Variants in ROR1 observed in about 807,000 individuals in gnomAD.
The protein encoded by ROR1 is inactive tyrosine-protein kinase transmembrane receptor ROR1.
A neutral mutation model predicts 78.8 loss-of-function variants in ROR1; 19 were observed. The observed-to-expected ratio is 0.24, with a 90% CI of 0.17 to 0.35. The LOEUF (loss-of-function observed/expected upper bound fraction) is 0.35, where lower values mean the gene tolerates loss of function less well. Among genes scored for constraint, ROR1 ranks in the 10% least tolerant of loss-of-function variants. The probability of loss-of-function intolerance (pLI) is 1.00; values close to 1 mark genes in which losing one functional copy is unlikely to be tolerated. For missense variants in ROR1, 917 were observed against 1,177.8 expected (o/e 0.78, Z 3.24); for synonymous variants, 386 against 433.6 (o/e 0.89, Z 1.36).
chr1:63,792,485 A>T (rs1403290094), intron 1 of ROR1, among the ~76,000 whole-genome samples: 1 of 152,154 alleles, frequency 6.6e-6, no homozygotes, highest in Non-Finnish European at 1.5e-5. Flanking sequence ...GCACAGAGGG[A>T]ACAGTGTATG....
At chr1:64,149,773 C>T (rs1649569435) in intron 7 of ROR1, among the ~76,000 whole-genome samples, 1 of 152,192 alleles carries the variant, frequency 6.6e-6, no homozygotes. Flanking sequence ...GAGAAAGAAG[C>T]ATTTTGCCTA....
chr1:63,954,443 T>C (rs894166493), intron 1 of ROR1, among the ~76,000 whole-genome samples: 2 of 152,206 alleles, frequency 1.3e-5, no homozygotes, highest in African/African-American at 4.8e-5. Flanking sequence ...AGTTCTATTA[T>C]TTTGGAAGAG....
chr1:63,906,147 C>T (rs1645526918), intron 1 of ROR1, among the ~76,000 whole-genome samples: 1 of 152,100 alleles, frequency 6.6e-6, no homozygotes, highest in African/African-American at 2.4e-5. Context: ...TTCTAGGGCA[C>T]TAACCAAAAC....
intron 2 of ROR1, among the ~76,000 whole-genome samples, chr1:64,012,475 A>C (rs944943330): frequency 2.6e-5 from 4 of 152,228 alleles, no homozygotes; most frequent in African/African-American, 9.6e-5. Flanking sequence ...ACTAGGAGAC[A>C]CTGACAGCAG....
rs1395157375 is a variant in ROR1 at position 64,179,292 on chromosome 1, A to G, written c.*437A>G. The G allele has an allele frequency of 1.3e-5, 2 of 157,138 alleles. No homozygotes were observed. Among genetic ancestry groups the G allele is most frequent in the Non-Finnish European group, 2.8e-5 (2 of 71,462 alleles). 9.7% of individuals were successfully genotyped at this position (157,138 alleles called of 1,614,324 possible). ...GTCTACCTGCTGTCTTTTCTTCAGG[A>G]CAGATGTTCAGGAATTATATTGATT... is the stretch of plus-strand genomic sequence containing the variant. On this transcript the variant is annotated 3_prime_UTR_variant, in exon 9 of 9. Transcript: ENST00000371079.
intron 1 of ROR1, among the ~76,000 whole-genome samples, chr1:63,913,639 G>A (rs995240755): frequency 1.3e-5 from 2 of 152,016 alleles, no homozygotes; most frequent in East Asian, 1.9e-4. Flanking sequence ...CCTGTCCCAC[G>A]GCCTCCCCCT....
At chr1:63,942,366 G>C (rs1026719693) in intron 1 of ROR1, among the ~76,000 whole-genome samples, 1 of 151,936 alleles carries the variant, frequency 6.6e-6, no homozygotes, top group African/African-American at 2.4e-5. Flanking sequence ...ATTTCCTTGT[G>C]TATAATGTTA....
intron 2 of ROR1, among the ~76,000 whole-genome samples, chr1:64,036,275 T>C (rs1646701404): frequency 6.6e-6 from 1 of 152,164 alleles, no homozygotes; most frequent in Non-Finnish European, 1.5e-5. Flanking sequence ...ATCCATCCAG[T>C]AAATATAAAC....
chr1:64,066,318 CT>C (rs747396331), intron 4 of ROR1, among the ~76,000 whole-genome samples: 5,345 of 139,752 alleles, frequency 0.038, 279 homozygotes, highest in African/African-American at 0.13. Flanking sequence ...TTTAAACTCA[CT>C]TTTTTTTTTT....
chr1:63,855,403 T>C (rs1289873138), intron 1 of ROR1, among the ~76,000 whole-genome samples: 2 of 152,214 alleles, frequency 1.3e-5, no homozygotes, highest in Non-Finnish European at 2.9e-5. Flanking sequence ...GATACTTAAT[T>C]CGCTCCTCTC....
At chr1:63,864,870 T>C (rs1218424942) in intron 1 of ROR1, among the ~76,000 whole-genome samples, 2 of 151,840 alleles carry the variant, frequency 1.3e-5, no homozygotes, top group Admixed American at 6.6e-5. Flanking sequence ...TTATTTTTTT[T>C]CCTTTTGTTT....
intron 4 of ROR1, among the ~76,000 whole-genome samples, chr1:64,089,928 A>C (rs959371567): frequency 6.6e-6 from 1 of 152,094 alleles, no homozygotes; most frequent in African/African-American, 2.4e-5. Context: ...AAGTCTCATG[A>C]AATCTGATGG....
chr1:63,964,923 G>C (rs955079410), intron 1 of ROR1, among the ~76,000 whole-genome samples: 2 of 152,150 alleles, frequency 1.3e-5, no homozygotes, highest in African/African-American at 4.8e-5. Context: ...AAGATGCTTC[G>C]CAGTTGAAAA....
At chr1:64,163,058 G>C (rs778111751) in intron 8 of ROR1, among the ~76,000 whole-genome samples, 7 of 152,080 alleles carry the variant, frequency 4.6e-5, no homozygotes, top group Non-Finnish European at 7.4e-5. Context: ...CTCCTCACCT[G>C]CCTGGAGGTT....
At chr1:63,848,293 A>G (rs1185262378) in intron 1 of ROR1, among the ~76,000 whole-genome samples, 4 of 152,254 alleles carry the variant, frequency 2.6e-5, no homozygotes, top group Non-Finnish European at 5.9e-5. Context: ...CTCCAGAAGC[A>G]TAACACAAAT....
At chr1:63,856,253 A>G (rs948495523) in intron 1 of ROR1, among the ~76,000 whole-genome samples, 2 of 152,180 alleles carry the variant, frequency 1.3e-5, no homozygotes, top group African/African-American at 4.8e-5. Context: ...GTTTAGAAGC[A>G]GTTTGATCCT....
At chr1:64,007,824 T>C (rs1646441325) in intron 1 of ROR1, among the ~76,000 whole-genome samples, 9 of 152,200 alleles carry the variant, frequency 5.9e-5, no homozygotes, top group Admixed American at 5.9e-4. Flanking sequence ...AGGAAGGCTA[T>C]TAAATTTATT....
intron 1 of ROR1, among the ~76,000 whole-genome samples, chr1:63,988,319 A>T (rs1045323376): frequency 6.6e-6 from 1 of 152,164 alleles, no homozygotes; most frequent in Admixed American, 6.5e-5. Context: ...CTTGTCATAC[A>T]ATTTTAAAGT....
chr1:64,132,482 C>T (rs181970704), intron 4 of ROR1, among the ~76,000 whole-genome samples: 16 of 152,070 alleles, frequency 1.1e-4, no homozygotes, highest in South Asian at 2.1e-4. Flanking sequence ...GTAGGAGACC[C>T]GGCGTGGTGG....
Sources: allele counts gnomAD v4.1 joint callset (sites outside exome capture counted in the v4.1 genomes callset), GRCh38; gene constraint gnomAD v4.1.1; transcripts MANE v1.5; gene names NCBI Gene and HGNC (gene_info 2026-07-23, HGNC 2026-07-21).